Variants in TOMM70 observed in about 807,000 individuals in gnomAD.
TOMM70 encodes translocase of outer mitochondrial membrane 70.
Under a neutral mutation model 73.6 loss-of-function variants are expected in TOMM70, and 13 were observed. That is an observed-to-expected ratio of 0.18 (90% CI 0.11 to 0.28). The LOEUF (loss-of-function observed/expected upper bound fraction) is 0.28, where lower values mean the gene tolerates loss of function less well. Ranked by LOEUF, TOMM70 falls within the 10% of genes least tolerant of loss-of-function variation. TOMM70 has a pLI of 1.00. For missense variants in TOMM70, 609 were observed against 747.5 expected, an observed-to-expected ratio of 0.81 and a Z score of 2.16; for synonymous variants, 257 against 271.2, an observed-to-expected ratio of 0.95 and a Z score of 0.51.
At chr3:100,377,208 A>G (rs986503175) in intron 6 of TOMM70, among the ~76,000 whole-genome samples, 1 of 152,232 alleles carries the variant, frequency 6.6e-6, no homozygotes, top group Non-Finnish European at 1.5e-5. Context: ...TAATTATGAA[A>G]TGTGTAATAC....
chr3:100,386,708 CA>C (rs1358909827), intron 2 of TOMM70, 96 bp downstream of exon 2: 2 of 1,417,542 alleles, frequency 1.4e-6, no homozygotes, highest in Non-Finnish European at 1.9e-6. Flanking sequence ...GAAACAACTT[CA>C]AAAAATGTAT....
chr3:100,364,636 A>G lies in TOMM70; in HGVS notation c.*928T>C, dbSNP rs1158408249. The G allele has an allele frequency of 6.6e-6, 1 of 152,130 alleles. No homozygotes were observed. The highest frequency in any genetic ancestry group is 1.5e-5 in the Non-Finnish European group (1 of 68,022). The allele number at this position is 152,130 out of a possible 1,614,324, so 9.4% of individuals were successfully genotyped here. The stretch of plus-strand genomic sequence containing the variant: ...TATTCGCAGGTGCAATCATCATGGC[A>G]CATTACAGCCTCGAGCTCCTGGTCT... On this transcript the variant is annotated 3_prime_UTR_variant, in exon 12 of 12. Coordinates refer to ENST00000284320, the MANE Select transcript of TOMM70 (RefSeq NM_014820.5).
chr3:100,393,219 C>G (rs1017649927), intron 1 of TOMM70, among the ~76,000 whole-genome samples: 2 of 151,022 alleles, frequency 1.3e-5, no homozygotes, highest in South Asian at 4.2e-4. Flanking sequence ...TAAGTGCCCA[C>G]TGATAAAAGT....
chr3:100,381,894 C>A (rs1576214583), intron 4 of TOMM70, 131 bp from the exon 5 acceptor site: 3 of 935,446 alleles, frequency 3.2e-6, no homozygotes, highest in Non-Finnish European at 1.5e-6. Flanking sequence ...AATTAAGCTC[C>A]AAGCCACAGA....
intron 4 of TOMM70, 59 bp from the exon 5 acceptor site, chr3:100,381,822 T>C (rs554607995): frequency 1.3e-6 from 2 of 1,487,450 alleles, no homozygotes; most frequent in African/African-American, 1.4e-5. Context: ...AAGAAGCAGG[T>C]ACATTGTAGA....
chr3:100,390,797 C>A (rs1706750629), intron 1 of TOMM70, among the ~76,000 whole-genome samples: 1 of 151,574 alleles, frequency 6.6e-6, no homozygotes, highest in East Asian at 1.9e-4. Context: ...CCACTGCACT[C>A]CAGCCTGGGA....
chr3:100,381,589 G>A, intron 5 of TOMM70, 26 bp downstream of exon 5: 1 of 1,605,844 alleles, frequency 6.2e-7, no homozygotes, highest in South Asian at 1.1e-5. Context: ...ACACCACTAA[G>A]TAGACACTAT....
At position 100,372,365 on chromosome 3, in the gene TOMM70, G is replaced by A. The variant is rs148499608; in HGVS notation, c.1452+241C>T. ...GCAAAACCAATCCAAATGAAGACAG[G>A]AGGGAAATTCTCGCCTTAAGCTTCC... On this transcript the variant is annotated intron_variant, in intron 9 of 11. Coordinates refer to ENST00000284320, the MANE Select transcript of TOMM70 (RefSeq NM_014820.5). 4.6e-3 allele frequency: 1,690 copies of A among 369,266 alleles called. 7 individuals are homozygous for A. The highest frequency in any genetic ancestry group is 6.4e-3 in the Non-Finnish European group (1,335 of 207,660). 22.9% of individuals were successfully genotyped at this position (369,266 alleles called of 1,614,324 possible). A position where few individuals can be genotyped will look rare whatever the true frequency, so the allele number is the denominator to read the frequency against.
intron 6 of TOMM70, among the ~76,000 whole-genome samples, chr3:100,375,589 T>C (rs991687948): frequency 3.9e-5 from 6 of 152,242 alleles, no homozygotes; most frequent in Admixed American, 3.9e-4. Context: ...TCTTTTGTTA[T>C]GCCTGAAAAA....
intron 1 of TOMM70, among the ~76,000 whole-genome samples, chr3:100,398,137 A>G (rs1303890085): frequency 1.3e-5 from 2 of 151,954 alleles, no homozygotes; most frequent in Admixed American, 6.6e-5. Flanking sequence ...AATTCCTAGC[A>G]CTTTGGGAGG....
rs200108535 is a variant in TOMM70, at chr3:100,368,104, A to G, written c.1613T>C (p.Ile538Thr). ...AAAATCACATTTATTGTCAATTTCA[A>G]TAGCCTTGCTGATAAGTTCCAAACC... ...DRGLELISKA[I>T]EIDNKCDFAY... Residue 538 changes from isoleucine (I) to threonine (T), a missense_variant, in exon 11 of 12, where the codon ATT becomes ACT. By Grantham distance (89) the Ile-to-Thr change is moderately conservative. Transcript: ENST00000284320. 38 of 1,613,860 alleles carry G rather than the reference A, an allele frequency of 2.4e-5. No homozygotes were observed. Among genetic ancestry groups the G allele is most frequent in the Middle Eastern group, 3.3e-4 (2 of 6,084 alleles).
At chr3:100,382,538 T>C (rs1295427486) in intron 4 of TOMM70, among the ~76,000 whole-genome samples, 1 of 152,172 alleles carries the variant, frequency 6.6e-6, no homozygotes, top group Non-Finnish European at 1.5e-5. Context: ...ATATTTTAAG[T>C]CAAATGGTCA....
chr3:100,369,123 G>T lies in TOMM70; in HGVS notation c.1465C>A (p.Gln489Lys), dbSNP rs1706481014. The change falls in exon 10 of 12, where the codon CAA becomes AAA. Residue 489 changes from glutamine to lysine, a missense_variant. Coordinates refer to ENST00000284320, the MANE Select transcript of TOMM70 (RefSeq NM_014820.5). Reference protein sequence around the residue: ...YALYAQALTDQQQFGKADEMY... With the variant: ...YALYAQALTDKQQFGKADEMY... ...TCATCAGCTTTACCAAACTGTTGTT[G>T]ATCTGTTAATGCCTATGTGAGGAGA... The T allele has an allele frequency of 6.2e-7, 1 of 1,612,702 alleles. No homozygotes were observed. Among genetic ancestry groups the T allele is most frequent in the Non-Finnish European group, 8.5e-7 (1 of 1,179,200 alleles).
chr3:100,378,832 C>G (rs1393567261), intron 5 of TOMM70, among the ~76,000 whole-genome samples: 1 of 152,056 alleles, frequency 6.6e-6, no homozygotes, highest in African/African-American at 2.4e-5. Flanking sequence ...TGGTGAAACC[C>G]CATCTCTAAT....
At chr3:100,387,669 T>C (rs1344539596) in intron 1 of TOMM70, among the ~76,000 whole-genome samples, 2 of 142,740 alleles carry the variant, frequency 1.4e-5, no homozygotes, top group Admixed American at 1.4e-4. Flanking sequence ...TGAGACAGGG[T>C]CTGTCGCCCA....
At chr3:100,376,662 TTAGTCCTCTATTTTATCC>T (rs767926922) in intron 6 of TOMM70, among the ~76,000 whole-genome samples, 3 of 152,064 alleles carry the variant, frequency 2.0e-5, no homozygotes, top group Non-Finnish European at 2.9e-5. Flanking sequence ...TAACAAACAT[TTAGTCCTCTATTTTATCC>T]TAACAGTTTT....
chr3:100,378,069 A>AC (rs1291948183), intron 5 of TOMM70, among the ~76,000 whole-genome samples, 157 bp from the exon 6 acceptor site: 11 of 151,944 alleles, frequency 7.2e-5, no homozygotes, highest in South Asian at 6.2e-4. Context: ...ACATGGTGAA[A>AC]CCCGTCTCTA....
Position 100,373,527 on chromosome 3 carries a change from G to GTA in TOMM70, c.1335+9_1335+10dup, listed in dbSNP as rs1252483375. The GTA allele has an allele frequency of 1.3e-6, 2 of 1,585,382 alleles. No individual in the cohort carries two copies. Among genetic ancestry groups the GTA allele is most frequent in the South Asian group, 2.3e-5 (2 of 86,782 alleles). On this transcript the variant is annotated intron_variant, in intron 8 of 11. Coordinates refer to ENST00000284320, the MANE Select transcript of TOMM70 (RefSeq NM_014820.5). Reference sequence around the variant, plus strand: ...GATGTTTAGGAAAATACAAAAGAAAGTAGTACCTACCAATGCAAAACATTT... The same window carrying GTA: ...GATGTTTAGGAAAATACAAAAGAAAGTATAGTACCTACCAATGCAAAACATTT...
intron 1 of TOMM70, among the ~76,000 whole-genome samples, chr3:100,394,896 T>TA (rs1369853872): frequency 1.1e-4 from 16 of 152,160 alleles, no homozygotes; most frequent in Middle Eastern, 3.4e-3. Context: ...CCTAAGATAA[T>TA]AAAAAAGTCC....
Sources: allele counts gnomAD v4.1 joint callset (sites outside exome capture counted in the v4.1 genomes callset), GRCh38; gene constraint gnomAD v4.1.1; transcripts MANE v1.5; gene names NCBI Gene and HGNC (gene_info 2026-07-23, HGNC 2026-07-21).